WDPCP: variants seen among roughly 807,000 people sequenced by gnomAD.
WDPCP encodes the protein WD repeat-containing and planar cell polarity effector protein fritz homolog.
In WDPCP, 71 loss-of-function variants were observed where a neutral mutation model predicts 93.1. That is an observed-to-expected ratio of 0.76 (90% CI 0.63 to 0.93). The LOEUF is 0.93. Among genes scored for constraint, WDPCP ranks in the 40% least tolerant of loss-of-function variants. The pLI is 0.00. For synonymous variants in WDPCP, 315 were observed against 315.0 expected, an observed-to-expected ratio of 1.00 and a Z score of 0.00; for missense variants, 844 against 887.4, an observed-to-expected ratio of 0.95 and a Z score of 0.62.
At chr2:63,567,578 C>T (rs1220378122) in intron 1 of WDPCP, among the ~76,000 whole-genome samples, 1 of 152,198 alleles carries the variant, frequency 6.6e-6, no homozygotes, top group Non-Finnish European at 1.5e-5. Context: ...CTGTAAGAAG[C>T]ACTTTTCCCC....
intron 6 of WDPCP, among the ~76,000 whole-genome samples, chr2:63,467,478 A>G (rs939438051): frequency 6.6e-6 from 1 of 151,650 alleles, no homozygotes; most frequent in Admixed American, 6.6e-5. Context: ...TCTCAAAAAA[A>G]CAAACAAACA....
At chr2:63,515,498 G>C (rs917014803) in intron 1 of WDPCP, among the ~76,000 whole-genome samples, 6 of 152,156 alleles carry the variant, frequency 3.9e-5, no homozygotes, top group Non-Finnish European at 7.3e-5. Context: ...TTTGTGTGAG[G>C]TGTTGTTAAC....
chr2:63,243,622 A>G (rs1279863263), intron 14 of WDPCP, among the ~76,000 whole-genome samples: 1 of 152,174 alleles, frequency 6.6e-6, no homozygotes, highest in Non-Finnish European at 1.5e-5. Context: ...AGGGTATCAT[A>G]TAATGATAAA....
chr2:63,399,830 T>C (rs984641467), intron 10 of WDPCP, among the ~76,000 whole-genome samples: 5 of 152,156 alleles, frequency 3.3e-5, no homozygotes, highest in Non-Finnish European at 7.4e-5. Flanking sequence ...ATTAACATTA[T>C]GAATAGATTT....
Position 63,381,973 on chromosome 2 carries a change from C to T in WDPCP, c.1557G>A (p.Gln519=). The part of the protein sequence containing the change: ...SSMNWDTLGH[Q]CFISMSAIVN... ...CAATGGCGCTCATGCTGATAAAGCA[C>T]TGGTGGCCCAGAGTGTCCCAGTTCA... Residue 519 remains glutamine (Q), a synonymous_variant, in exon 11 of 18, where the codon CAG becomes CAA. Transcript: ENST00000272321. The T allele has an allele frequency of 6.2e-7, 1 of 1,613,548 alleles. No individual in the cohort carries two copies. Among genetic ancestry groups the T allele is most frequent in the Non-Finnish European group, 8.5e-7 (1 of 1,179,734 alleles).
intron 14 of WDPCP, among the ~76,000 whole-genome samples, chr2:63,180,952 C>T (rs1051298472): frequency 5.9e-5 from 9 of 152,020 alleles, no homozygotes; most frequent in Non-Finnish European, 1.0e-4. Flanking sequence ...TTTTCATATG[C>T]AGGTTAGACA....
intron 2 of WDPCP, among the ~76,000 whole-genome samples, chr2:63,756,012 T>C (rs1281602429): frequency 6.6e-6 from 1 of 152,226 alleles, no homozygotes; most frequent in African/African-American, 2.4e-5. Context: ...CCAAAAGATT[T>C]TTTAATTAGT....
intron 2 of WDPCP, among the ~76,000 whole-genome samples, chr2:63,713,261 T>A (rs1669289178): frequency 6.6e-6 from 1 of 152,190 alleles, no homozygotes; most frequent in African/African-American, 2.4e-5. Flanking sequence ...CCCCTTTGGG[T>A]CCTTTCATTC....
intron 3 of WDPCP, among the ~76,000 whole-genome samples, chr2:63,637,611 A>C (rs771172977): frequency 2.6e-5 from 4 of 152,164 alleles, no homozygotes; most frequent in Non-Finnish European, 4.4e-5. Flanking sequence ...ATCTGGTTTC[A>C]AAATGGGCAA....
intron 2 of WDPCP, among the ~76,000 whole-genome samples, chr2:63,752,847 C>T (rs1309201148): frequency 6.6e-6 from 1 of 152,012 alleles, no homozygotes; most frequent in African/African-American, 2.4e-5. Context: ...CGCCCACCAC[C>T]AGCCCAGTTA....
chr2:63,493,019 T>C, intron 1 of WDPCP, 79 bp from the exon 2 acceptor site: 2 of 1,207,780 alleles, frequency 1.7e-6, no homozygotes, highest in Non-Finnish European at 2.4e-6. Flanking sequence ...TTAGAAATAG[T>C]AAAAAGAATC....
chr2:63,700,400 G>GATTT (rs1351598817), intron 2 of WDPCP, among the ~76,000 whole-genome samples: 2 of 151,414 alleles, frequency 1.3e-5, no homozygotes, highest in Non-Finnish European at 2.9e-5. Context: ...GAAAAGGTCA[G>GATTT]ATACAAGACT....
At chr2:63,636,486 A>G (rs1027622104) in intron 3 of WDPCP, among the ~76,000 whole-genome samples, 8 of 152,100 alleles carry the variant, frequency 5.3e-5, no homozygotes, top group Non-Finnish European at 1.0e-4. Context: ...CTGGAGGGCA[A>G]TGTGAAATGG....
At chr2:63,184,592 T>G (rs952713259) in intron 14 of WDPCP, among the ~76,000 whole-genome samples, 1 of 152,162 alleles carries the variant, frequency 6.6e-6, no homozygotes, top group African/African-American at 2.4e-5. Context: ...ACCGTTAGTC[T>G]GATGGAGCTT....
In WDPCP at chr2:63,120,267, G is replaced by A. The variant is rs1032238439; in HGVS notation, c.*1739C>T. On this transcript the variant is annotated 3_prime_UTR_variant, in exon 18 of 18. Coordinates refer to ENST00000272321, the MANE Select transcript of WDPCP (RefSeq NM_015910.7). ...GTTGGGAATAGGAGAATGAAAATTT[G>A]CTGGTAACTCAGTTTGGCTTACATG... Among the ~76,000 whole-genome samples the A allele has an allele frequency of 6.6e-6, 1 of 152,054 alleles. No homozygotes were observed. The highest frequency in any genetic ancestry group is 1.5e-5 in the Non-Finnish European group (1 of 68,004).
chr2:63,488,221 T>G (rs957106876), intron 2 of WDPCP, among the ~76,000 whole-genome samples: 2 of 152,110 alleles, frequency 1.3e-5, no homozygotes, highest in Admixed American at 6.6e-5. Flanking sequence ...ACATTTGTTT[T>G]CTTCAATGCA....
intron 12 of WDPCP, among the ~76,000 whole-genome samples, chr2:63,360,233 C>A (rs941874151): frequency 6.6e-6 from 1 of 152,108 alleles, no homozygotes; most frequent in Admixed American, 6.5e-5. Flanking sequence ...GCTTTGAATT[C>A]GATTTTAGGC....
At chr2:63,563,952 T>C (rs1206310765) in intron 1 of WDPCP, among the ~76,000 whole-genome samples, 1 of 152,178 alleles carries the variant, frequency 6.6e-6, no homozygotes, top group African/African-American at 2.4e-5. Context: ...TGGCAAACTT[T>C]TGAGTATACT....
At chr2:63,275,398 A>C (rs2951192) in intron 13 of WDPCP, among the ~76,000 whole-genome samples, 1 of 152,126 alleles carries the variant, frequency 6.6e-6, no homozygotes, top group African/African-American at 2.4e-5. Flanking sequence ...ATGCCCACTT[A>C]CACCACTCCT....
Sources: allele counts gnomAD v4.1 joint callset (sites outside exome capture counted in the v4.1 genomes callset), GRCh38; gene constraint gnomAD v4.1.1; transcripts MANE v1.5; gene names NCBI Gene and HGNC (gene_info 2026-07-23, HGNC 2026-07-21).